The following SH3RF3 variants were observed in gnomAD, a reference collection of about 807,000 sequenced individuals.
SH3RF3 encodes the protein SH3 domain containing ring finger 3.
SH3RF3 carries 29 observed loss-of-function variants against 66.3 expected under a neutral mutation model. The ratio of observed to expected loss-of-function variants is 0.44; its 90% CI spans 0.33 to 0.60. The LOEUF (loss-of-function observed/expected upper bound fraction) is 0.60, where lower values mean the gene tolerates loss of function less well. Among genes scored for constraint, SH3RF3 ranks in the 20% least tolerant of loss-of-function variants. SH3RF3 has a pLI of 0.04. For missense variants in SH3RF3, 1,194 were observed against 1,190.9 expected (o/e 1.00, Z -0.04); for synonymous variants, 583 against 532.0 (o/e 1.10, Z -1.32).
chr2:109,457,980 G>A (rs1229650180), intron 8 of SH3RF3, among the ~76,000 whole-genome samples: 1 of 152,200 alleles, frequency 6.6e-6, no homozygotes, highest in East Asian at 1.9e-4. Flanking sequence ...TGTCGAGAAA[G>A]AACAGAGAGT....
chr2:109,405,006 AC>A (rs954622833), intron 4 of SH3RF3, among the ~76,000 whole-genome samples: 13 of 136,424 alleles, frequency 9.5e-5, no homozygotes, highest in Non-Finnish European at 1.9e-4. Context: ...CTACACAAAT[AC>A]CCCCCACCTT....
intron 3 of SH3RF3, among the ~76,000 whole-genome samples, chr2:109,395,039 G>A (rs1676104083): frequency 6.6e-6 from 1 of 152,242 alleles, no homozygotes; most frequent in Admixed American, 6.5e-5. Flanking sequence ...TTCAGGCCCA[G>A]CTTTATGACG....
chr2:109,370,547 C>T (rs1310926543), intron 2 of SH3RF3, among the ~76,000 whole-genome samples: 1 of 152,148 alleles, frequency 6.6e-6, no homozygotes, highest in Non-Finnish European at 1.5e-5. Context: ...CCATCTGTCT[C>T]TCTTGACACT....
chr2:109,492,731 T>C (rs1261915002), intron 9 of SH3RF3, among the ~76,000 whole-genome samples: 2 of 152,140 alleles, frequency 1.3e-5, no homozygotes, highest in Non-Finnish European at 2.9e-5. Context: ...TCTGACCTCA[T>C]GGCCCACGCC....
At chr2:109,483,700 G>A (rs1034303242) in intron 8 of SH3RF3, among the ~76,000 whole-genome samples, 1 of 152,216 alleles carries the variant, frequency 6.6e-6, no homozygotes, top group Admixed American at 6.5e-5. Context: ...TGCAGGCACA[G>A]AGCACATTCT....
chr2:109,351,477 T>G (rs1682836001), intron 2 of SH3RF3, among the ~76,000 whole-genome samples: 1 of 152,248 alleles, frequency 6.6e-6, no homozygotes, highest in Non-Finnish European at 1.5e-5. Flanking sequence ...TAACTCTATA[T>G]TGTCTTACTC....
At chr2:109,299,907 T>A (rs1340493775) in intron 1 of SH3RF3, among the ~76,000 whole-genome samples, 1 of 152,106 alleles carries the variant, frequency 6.6e-6, no homozygotes, top group African/African-American at 2.4e-5. Context: ...GAATGACAAG[T>A]AGGATGTGCA....
intron 1 of SH3RF3, among the ~76,000 whole-genome samples, chr2:109,341,314 A>G (rs1164297147): frequency 6.6e-6 from 1 of 152,244 alleles, no homozygotes; most frequent in East Asian, 1.9e-4. Flanking sequence ...GATTAAATCT[A>G]TAAAGTGGAA....
At chr2:109,500,891 G>A (rs9330319) in intron 9 of SH3RF3, among the ~76,000 whole-genome samples, 51,552 of 152,040 alleles carry the variant, frequency 0.34, 9,263 homozygotes, top group Admixed American at 0.5. Context: ...TCAAGGCTTC[G>A]GTGAGCTAGG....
intron 2 of SH3RF3, among the ~76,000 whole-genome samples, chr2:109,369,067 G>C (rs997629010): frequency 6.6e-6 from 1 of 152,124 alleles, no homozygotes; most frequent in Non-Finnish European, 1.5e-5. Context: ...ACACTTGGCC[G>C]GGCATGGTGG....
chr2:109,361,566 C>G (rs1168936810), intron 2 of SH3RF3, among the ~76,000 whole-genome samples: 1 of 152,116 alleles, frequency 6.6e-6, no homozygotes, highest in Non-Finnish European at 1.5e-5. Flanking sequence ...CTCCGCCTCC[C>G]TGGTCCAAGC....
At chr2:109,268,097 G>A (rs1199316567) in intron 1 of SH3RF3, among the ~76,000 whole-genome samples, 3 of 151,884 alleles carry the variant, frequency 2.0e-5, no homozygotes, top group African/African-American at 4.8e-5. Flanking sequence ...AGAAGGGGCC[G>A]ATGGGGAGGA....
At chr2:109,382,942 A>G (rs1675734629) in intron 3 of SH3RF3, among the ~76,000 whole-genome samples, 1 of 152,360 alleles carries the variant, frequency 6.6e-6, no homozygotes, top group South Asian at 2.1e-4. Flanking sequence ...TTCCAGGCCC[A>G]TGCTCACTTC....
intron 4 of SH3RF3, among the ~76,000 whole-genome samples, chr2:109,407,863 C>T (rs973064484): frequency 2.0e-5 from 3 of 152,142 alleles, no homozygotes; most frequent in South Asian, 2.1e-4. Context: ...CAGAGGACAC[C>T]GTGGCTGCCT....
At chr2:109,234,897 A>G (rs1311336435) in intron 1 of SH3RF3, among the ~76,000 whole-genome samples, 1 of 152,250 alleles carries the variant, frequency 6.6e-6, no homozygotes, top group Non-Finnish European at 1.5e-5. Flanking sequence ...AGGGCAAACT[A>G]GTTTGTTCCA....
intron 3 of SH3RF3, among the ~76,000 whole-genome samples, chr2:109,378,575 G>A (rs1302477369): frequency 3.3e-5 from 5 of 152,156 alleles, no homozygotes; most frequent in Non-Finnish European, 5.9e-5. Flanking sequence ...TTGAGGTATT[G>A]GACATCTTGG....
intron 1 of SH3RF3, among the ~76,000 whole-genome samples, chr2:109,142,846 A>G (rs1374155052): frequency 6.6e-6 from 1 of 152,094 alleles, no homozygotes; most frequent in Non-Finnish European, 1.5e-5. Context: ...GGACGTTTTC[A>G]CTCTCTAAAC....
chr2:109,405,685 G>A lies in SH3RF3; in HGVS notation c.1299+6742G>A, dbSNP rs961279890. Among the ~76,000 whole-genome samples, 11 of 152,100 alleles carry A rather than the reference G, an allele frequency of 7.2e-5. No individual in the cohort carries two copies. In the East Asian group the frequency reaches 1.7e-3, roughly 24 times the overall value. On this transcript the variant is annotated intron_variant, in intron 4 of 9. Transcript: ENST00000309415. The stretch of plus-strand genomic sequence containing the variant: ...GACCATCTGACATGTTCACCTCTCC[G>A]CAGCTTTCTATGGCCCCATGTCACC...
Position 109,479,340 on chromosome 2 carries a change from C to T in SH3RF3, c.2149-11265C>T, listed in dbSNP as rs184317818. ...GTAGAGGGGGGCTAGTGAGTAGAGA[C>T]ACAGTGTTGTGGCTGTATTTAGAAA... On this transcript the variant is annotated intron_variant, in intron 8 of 9. Transcript: ENST00000309415. 8.1e-4 allele frequency among the ~76,000 whole-genome samples: 124 copies of T among 152,274 alleles called. 1 individual carries two copies. The highest frequency in any genetic ancestry group is 2.1e-3 in the South Asian group (10 of 4,826).
Sources: gnomAD v4.1 joint callset for allele counts (sites outside exome capture counted in the v4.1 genomes callset) on GRCh38, gnomAD v4.1.1 for gene constraint, MANE v1.5 for transcripts, NCBI Gene and HGNC (gene_info 2026-07-23, HGNC 2026-07-21) for gene names.